The following KIFAP3 variants were observed in gnomAD, a reference collection of about 807,000 sequenced individuals.
KIFAP3 encodes the protein kinesin associated protein 3.
A neutral mutation model predicts 106.5 loss-of-function variants in KIFAP3; 68 were observed. The observed-to-expected ratio is 0.64, with a 90% confidence interval of 0.53 to 0.78. The LOEUF (loss-of-function observed/expected upper bound fraction) is 0.78, where lower values mean the gene tolerates loss of function less well. Among genes scored for constraint, KIFAP3 ranks in the 30% least tolerant of loss-of-function variants. The pLI is 0.00. For missense variants in KIFAP3, 780 were observed against 941.8 expected (o/e 0.83, Z 2.25); for synonymous variants, 320 against 311.5 (o/e 1.03, Z -0.29).
intron 9 of KIFAP3, among the ~76,000 whole-genome samples, chr1:170,017,963 C>G (rs574010916): frequency 6.6e-6 from 1 of 152,190 alleles, no homozygotes; most frequent in Non-Finnish European, 1.5e-5. Context: ...AGGAGAGAAG[C>G]TAGACTAAAA....
At chr1:169,949,938 G>C (rs1488436571) in intron 19 of KIFAP3, among the ~76,000 whole-genome samples, 1 of 152,148 alleles carries the variant, frequency 6.6e-6, no homozygotes, top group Non-Finnish European at 1.5e-5. Flanking sequence ...GAATGGGATA[G>C]ATGAGTTTAA....
rs146234167 is a variant in KIFAP3, at chr1:170,000,801, C to A, written c.1184-8546G>T. ...GTCTATAGTCGAGATTTGAGATGAA[C>A]AGATAAAAACCAACAGTTGTTAACC... On this transcript the variant is annotated intron_variant, in intron 10 of 19. Transcript: ENST00000361580. Among the ~76,000 whole-genome samples, 260 of 151,924 alleles carry A rather than the reference C, an allele frequency of 1.7e-3. 1 individual carries two copies. The highest frequency in any genetic ancestry group is 6.1e-3 in the African/African-American group (253 of 41,444).
chr1:169,970,608 G>T (rs1433422760), intron 17 of KIFAP3, among the ~76,000 whole-genome samples: 2 of 151,894 alleles, frequency 1.3e-5, no homozygotes, highest in Non-Finnish European at 2.9e-5. Flanking sequence ...ATATTTTTTG[G>T]ATTTTTTATT....
chr1:169,940,824 C>T (rs1331119156), intron 19 of KIFAP3, among the ~76,000 whole-genome samples: 1 of 152,078 alleles, frequency 6.6e-6, no homozygotes, highest in Non-Finnish European at 1.5e-5. Flanking sequence ...GTTTCTACTC[C>T]TTTCCAGCAG....
At chr1:170,084,697 G>GTAACTGTA in intron 1 of KIFAP3, among the ~76,000 whole-genome samples, 1 of 152,270 alleles carries the variant, frequency 6.6e-6, no homozygotes, top group South Asian at 2.1e-4. Flanking sequence ...GTACAGTTAA[G>GTAACTGTA]TAACTGTATG....
intron 19 of KIFAP3, among the ~76,000 whole-genome samples, chr1:169,943,876 A>G (rs1413802347): frequency 6.6e-6 from 1 of 152,210 alleles, no homozygotes; most frequent in Non-Finnish European, 1.5e-5. Context: ...CATTTTTTCT[A>G]GTACAAAGCT....
intron 17 of KIFAP3, among the ~76,000 whole-genome samples, chr1:169,965,432 G>T (rs1024695832): frequency 6.6e-6 from 1 of 151,846 alleles, no homozygotes; most frequent in Non-Finnish European, 1.5e-5. Context: ...TAAAATATGT[G>T]GTCTGCTATT....
intron 19 of KIFAP3, among the ~76,000 whole-genome samples, chr1:169,950,395 A>G (rs1664666643): frequency 6.6e-6 from 1 of 152,164 alleles, no homozygotes; most frequent in African/African-American, 2.4e-5. Flanking sequence ...TTAATCAAGT[A>G]TTACTCTTTC....
At chr1:170,018,853 A>T (rs1668661284) in intron 9 of KIFAP3, among the ~76,000 whole-genome samples, 1 of 151,990 alleles carries the variant, frequency 6.6e-6, no homozygotes. Context: ...TTCTATCTAC[A>T]CTCCACAGCC....
chr1:169,997,124 A>C (rs1347754929), intron 10 of KIFAP3, among the ~76,000 whole-genome samples: 1 of 152,206 alleles, frequency 6.6e-6, no homozygotes, highest in Non-Finnish European at 1.5e-5. Context: ...TGGAGGCAGA[A>C]TGCTCGGGTT....
chr1:169,945,308 C>G (rs983776468), intron 19 of KIFAP3, among the ~76,000 whole-genome samples: 12 of 152,298 alleles, frequency 7.9e-5, no homozygotes, highest in African/African-American at 2.6e-4. Context: ...CCTGCAGGGG[C>G]AGGGGGCCTT....
intron 18 of KIFAP3, among the ~76,000 whole-genome samples, chr1:169,957,634 CTT>C (rs1249977800): frequency 6.6e-5 from 10 of 150,430 alleles, no homozygotes; most frequent in Admixed American, 6.6e-4. Flanking sequence ...TTTTTTAACT[CTT>C]TTTCTTTTTG....
intron 12 of KIFAP3, 146 bp from the exon 13 acceptor site, chr1:169,983,528 A>C: frequency 1.6e-6 from 1 of 633,682 alleles, no homozygotes; most frequent in Admixed American, 3.1e-5. Context: ...GATGCAACCC[A>C]TACCATATAT....
intron 5 of KIFAP3, among the ~76,000 whole-genome samples, chr1:170,035,943 GA>G (rs886159281): frequency 1.6e-3 from 246 of 151,468 alleles, no homozygotes; most frequent in African/African-American, 5.7e-3. Flanking sequence ...TTGATAATAT[GA>G]AAAAAACTTG....
intron 19 of KIFAP3, among the ~76,000 whole-genome samples, chr1:169,946,111 A>C (rs1363632070): frequency 6.6e-6 from 1 of 152,232 alleles, no homozygotes; most frequent in East Asian, 1.9e-4. Context: ...TTGCATTTTA[A>C]AACAATGCAA....
intron 19 of KIFAP3, 80 bp from the exon 20 acceptor site, chr1:169,921,861 T>C (rs868012477): frequency 1.0e-6 from 1 of 1,000,794 alleles, no homozygotes; most frequent in Non-Finnish European, 1.5e-6. Context: ...TACATTTTTA[T>C]ACCACCAAGA....
rs1361338751 is a variant in KIFAP3 at position 169,973,124 on chromosome 1, A to AG, written c.1898-527_1898-526insC. On this transcript the variant is annotated intron_variant, in intron 16 of 19. Coordinates refer to ENST00000361580, the MANE Select transcript of KIFAP3 (RefSeq NM_014970.4). The stretch of plus-strand genomic sequence containing the variant: ...TAGTGTGTATATATATATATATATA[A>AG]ACAACACAAATCAGGATTAGAAAAC... Among the ~76,000 whole-genome samples, 85 of 48,736 alleles carry AG rather than the reference A, an allele frequency of 1.7e-3. 8 individuals carry two copies. The highest frequency in any genetic ancestry group is 0.014 in the Admixed American group (64 of 4,624). 32.0% of individuals were successfully genotyped at this position (48,736 alleles called of 152,430 possible). A position where few individuals can be genotyped will look rare whatever the true frequency, so the allele number is the denominator to read the frequency against.
At position 170,065,067 on chromosome 1, in the gene KIFAP3, A is replaced by C. The variant is rs991841813; in HGVS notation, c.32+9369T>G. ...AATTGGAAGCATCTGTTTCCCAAAA[A>C]TTTTGTTAGAATTTGACTTTAAAAC... On this transcript the variant is annotated intron_variant, in intron 1 of 19. Transcript: ENST00000361580. Among the ~76,000 whole-genome samples, 17 of 152,170 alleles carry C rather than the reference A, an allele frequency of 1.1e-4. No homozygotes were observed. In the South Asian group the frequency reaches 1.4e-3, roughly 13 times the overall value.
At chr1:170,082,412 C>T (rs1179820486) in intron 1 of KIFAP3, among the ~76,000 whole-genome samples, 1 of 152,102 alleles carries the variant, frequency 6.6e-6, no homozygotes, top group South Asian at 2.1e-4. Flanking sequence ...AAGTGGTTGC[C>T]TTGTGCTAGT....
Sources: gnomAD v4.1 joint callset for allele counts (sites outside exome capture counted in the v4.1 genomes callset) on GRCh38, gnomAD v4.1.1 for gene constraint, MANE v1.5 for transcripts, NCBI Gene and HGNC (gene_info 2026-07-23, HGNC 2026-07-21) for gene names.